The following TRAK1 variants were observed in gnomAD, a reference collection of about 807,000 sequenced individuals.
TRAK1 encodes trafficking kinesin protein 1, also known as trafficking kinesin-binding protein 1.
Under a neutral mutation model 92.1 loss-of-function variants are expected in TRAK1, and 33 were observed. The observed-to-expected ratio is 0.36, with a 90% CI of 0.27 to 0.48. The LOEUF (loss-of-function observed/expected upper bound fraction) is 0.48, where lower values mean the gene tolerates loss of function less well. Among genes scored for constraint, TRAK1 ranks in the 20% least tolerant of loss-of-function variants. The pLI, the probability that TRAK1 is intolerant of heterozygous loss-of-function variation, is 0.99. For missense variants in TRAK1, 1,123 were observed against 1,257.9 expected (o/e 0.89, Z 1.62); for synonymous variants, 521 against 517.3 (o/e 1.01, Z -0.10).
chr3:42,096,291 TG>T (rs1329080044), intron 1 of TRAK1, among the ~76,000 whole-genome samples: 15 of 152,220 alleles, frequency 9.9e-5, no homozygotes, highest in African/African-American at 2.4e-5. Context: ...CTTGCTCTGT[TG>T]CTCAGGCTGG....
chr3:42,087,647 A>C (rs1359523051), upstream of TRAK1, among the ~76,000 whole-genome samples: 2 of 152,228 alleles, frequency 1.3e-5, no homozygotes, highest in African/African-American at 4.8e-5. Flanking sequence ...ACAGCATTTC[A>C]CTAAATTGTC....
At chr3:42,061,624 C>A (rs772244268) in intron 1 of TRAK1, among the ~76,000 whole-genome samples, 5 of 152,062 alleles carry the variant, frequency 3.3e-5, no homozygotes, top group Non-Finnish European at 5.9e-5. Flanking sequence ...GAAATCCCAG[C>A]CATCATGTGA....
rs367958964 is a variant in TRAK1, at chr3:42,223,508, C to T, written c.2633C>T (p.Pro878Leu). ...EEQGPLLCGP[P>L]GPAPALVPRG... ...CAGGGACCCCTCCTCTGTGGGCCCCCGGGGCCAGCACCAGCCCTTGTTCCC... is the reference window on the plus strand; with the variant it reads ...CAGGGACCCCTCCTCTGTGGGCCCCTGGGGCCAGCACCAGCCCTTGTTCCC... The change falls in exon 16 of 16, where the codon CCG becomes CTG. Residue 878 changes from proline (P) to leucine (L), a missense_variant. Transcript: ENST00000327628. This position sits in a 1 kb window ranked among gnomAD's most constrained non-coding sequence, Gnocchi z 6.1. 49 of 1,613,430 alleles carry T rather than the reference C, an allele frequency of 3.0e-5. No homozygotes were observed. Among genetic ancestry groups the T allele is most frequent in the Non-Finnish European group, 3.9e-5 (46 of 1,179,900 alleles).
At chr3:42,201,151 GA>G in intron 12 of TRAK1, 97 bp downstream of exon 12, 4 of 1,317,894 alleles carry the variant, frequency 3.0e-6, no homozygotes, top group Non-Finnish European at 4.3e-6. Context: ...GGAGGTAGAT[GA>G]GAGTCACCTG....
chr3:42,032,149 A>T (rs186075044), intron 1 of TRAK1, among the ~76,000 whole-genome samples: 1 of 152,296 alleles, frequency 6.6e-6, no homozygotes, highest in Non-Finnish European at 1.5e-5. Flanking sequence ...TAAGTGGCTG[A>T]GGTTATCAGT....
chr3:42,200,662 A>T (rs1576974593), intron 11 of TRAK1, among the ~76,000 whole-genome samples, 156 bp from the exon 12 acceptor site: 1 of 152,138 alleles, frequency 6.6e-6, no homozygotes, highest in Non-Finnish European at 1.5e-5. Context: ...GGCAGCCAAT[A>T]CCCTAAGAAA....
rs760093287 is a variant in TRAK1 at position 42,209,901 on chromosome 3, G to A, written c.1879G>A (p.Asp627Asn). The A allele has an allele frequency of 3.3e-5, 53 of 1,614,056 alleles. No homozygotes were observed. Among genetic ancestry groups the A allele is most frequent in the Non-Finnish European group, 4.1e-5 (48 of 1,180,054 alleles). Residue 627 changes from aspartate to asparagine, a missense_variant, in exon 14 of 16, where the codon GAC becomes AAC. By Grantham distance (23) the Asp-to-Asn change is conservative. Coordinates refer to ENST00000327628, the MANE Select transcript of TRAK1 (RefSeq NM_001042646.3). ...VDLDEVYCLNDFEEDDTGDHI... is the reference protein window; with the variant it reads ...VDLDEVYCLNNFEEDDTGDHI... Reference sequence around the variant, plus strand: ...CCTGGACGAAGTGTACTGCCTTAACGACTTTGAAGAAGATGACACAGGTGA... The same window carrying A: ...CCTGGACGAAGTGTACTGCCTTAACAACTTTGAAGAAGATGACACAGGTGA...
intron 2 of TRAK1, among the ~76,000 whole-genome samples, chr3:42,155,266 A>G (rs1003035617): frequency 6.6e-6 from 1 of 152,148 alleles, no homozygotes; most frequent in African/African-American, 2.4e-5. Context: ...GACATGTTTA[A>G]TAAGGTGTGC....
chr3:42,079,070 CT>C (rs1412357135), intron 1 of TRAK1, among the ~76,000 whole-genome samples: 1 of 152,186 alleles, frequency 6.6e-6, no homozygotes, highest in Non-Finnish European at 1.5e-5. Flanking sequence ...CAGTAATGGA[CT>C]CACACCTGTG....
chr3:42,081,123 C>T lies in TRAK1; in HGVS notation c.-518-5981C>T, dbSNP rs117750449. ...AACTCCTGGGCTCAGGCCATCCACC[C>T]GCCTGGGCCTCCCAAAGTGCTAGGA... On this transcript the variant is annotated intron_variant, in intron 1 of 16. Transcript: ENST00000487159. Among the ~76,000 whole-genome samples, 1,084 of 152,252 alleles carry T rather than the reference C, an allele frequency of 7.1e-3. 51 individuals carry two copies. In the East Asian group the frequency reaches 0.13, roughly 18 times the overall value.
upstream of TRAK1, among the ~76,000 whole-genome samples, chr3:42,089,665 G>A (rs1704884863): frequency 7.8e-6 from 1 of 128,128 alleles, no homozygotes; most frequent in Non-Finnish European, 1.6e-5. Context: ...TTTATTTGAT[G>A]CTTTTTGTGA....
chr3:42,106,899 G>C (rs917104547), intron 1 of TRAK1, among the ~76,000 whole-genome samples: 1 of 152,188 alleles, frequency 6.6e-6, no homozygotes, highest in African/African-American at 2.4e-5. Flanking sequence ...AAATAATTTA[G>C]ATTAACAATA....
chr3:42,044,147 C>T (rs537836082), intron 1 of TRAK1, among the ~76,000 whole-genome samples: 1 of 152,182 alleles, frequency 6.6e-6, no homozygotes, highest in South Asian at 2.1e-4. Flanking sequence ...TTTTCATCCC[C>T]ATCTGCTTTT....
At chr3:42,147,465 A>C (rs944709818) in intron 2 of TRAK1, among the ~76,000 whole-genome samples, 1 of 152,162 alleles carries the variant, frequency 6.6e-6, no homozygotes, top group Non-Finnish European at 1.5e-5. Context: ...TGTCTCCTAC[A>C]TTTTCTGAAC....
chr3:42,089,682 C>CG (rs1308074652), upstream of TRAK1, among the ~76,000 whole-genome samples: 1 of 150,564 alleles, frequency 6.6e-6, no homozygotes, highest in Non-Finnish European at 1.5e-5. Flanking sequence ...GTGACCCCCC[C>CG]CCAATACAGA....
At chr3:42,195,094 G>C (rs1706403153) in intron 10 of TRAK1, among the ~76,000 whole-genome samples, 153 bp downstream of exon 10, 1 of 152,182 alleles carries the variant, frequency 6.6e-6, no homozygotes, top group Non-Finnish European at 1.5e-5. Context: ...ACTTGAATCT[G>C]ACTGGTGGTT....
Position 42,223,493 on chromosome 3 carries a change from T to C in TRAK1, c.2618T>C (p.Leu873Pro). Residue 873 changes from leucine to proline, a missense_variant, in exon 16 of 16, where the codon CTC becomes CCC. Physicochemically the swap from Leu to Pro is moderately conservative, Grantham distance 98. This residue lies in a region of TRAK1 where 401 missense variants were observed against 438.9 expected (regional missense o/e 0.91). Coordinates refer to ENST00000327628, the MANE Select transcript of TRAK1 (RefSeq NM_001042646.3). This position sits in a 1 kb window ranked among gnomAD's most constrained non-coding sequence, Gnocchi z 6.1. Reference sequence around the variant, plus strand: ...ACCTTGACTGAGGAGCAGGGACCCCTCCTCTGTGGGCCCCCGGGGCCAGCA... The same window carrying C: ...ACCTTGACTGAGGAGCAGGGACCCCCCCTCTGTGGGCCCCCGGGGCCAGCA... ...VPTLTEEQGPLLCGPPGPAPA... is the reference protein window; with the variant it reads ...VPTLTEEQGPPLCGPPGPAPA... 6.2e-7 allele frequency: 1 copy of C among 1,613,654 alleles called. No homozygotes were observed. The highest frequency in any genetic ancestry group is 8.5e-7 in the Non-Finnish European group (1 of 1,179,932).
intron 1 of TRAK1, among the ~76,000 whole-genome samples, chr3:42,035,018 C>T (rs1233563202): frequency 6.6e-6 from 1 of 152,178 alleles, no homozygotes; most frequent in East Asian, 1.9e-4. Context: ...ACTTCATTGC[C>T]GGTCTCACCA....
intron 1 of TRAK1, among the ~76,000 whole-genome samples, chr3:42,078,752 C>CAAAA (rs748321736): frequency 1.0e-3 from 49 of 48,834 alleles, no homozygotes; most frequent in African/African-American, 1.4e-3. Flanking sequence ...GATTCCATCT[C>CAAAA]AAAAAAAAAA....
Sources: gnomAD v4.1 joint callset for allele counts (sites outside exome capture counted in the v4.1 genomes callset) on GRCh38, gnomAD v4.1.1 for gene constraint, gnomAD v4.1.1 regional missense constraint, Gnocchi (gnomAD v3.1) non-coding constraint, MANE v1.5 for transcripts, NCBI Gene and HGNC (gene_info 2026-07-23, HGNC 2026-07-21) for gene names.